Variants in NUP98 observed in about 807,000 individuals in gnomAD.
The protein encoded by NUP98 is nucleoporin 98 and 96 precursor, also known as nuclear pore complex protein Nup98-Nup96.
Under a neutral mutation model 191.9 loss-of-function variants are expected in NUP98, and 26 were observed. The ratio of observed to expected loss-of-function variants is 0.14; its 90% CI spans 0.10 to 0.19. The LOEUF (loss-of-function observed/expected upper bound fraction) is 0.19, where lower values mean the gene tolerates loss of function less well. NUP98 is among the 10% of genes least tolerant of loss of function. The pLI is 1.00. For synonymous variants in NUP98, 808 were observed against 778.4 expected, an observed-to-expected ratio of 1.04 and a Z score of -0.63; for missense variants, 1,941 against 2,178.8, an observed-to-expected ratio of 0.89 and a Z score of 2.17.
At chr11:3,751,447 G>T (rs1476709215) in intron 11 of NUP98, among the ~76,000 whole-genome samples, 1 of 152,142 alleles carries the variant, frequency 6.6e-6, no homozygotes, top group Non-Finnish European at 1.5e-5. Flanking sequence ...TCCGAAAAAT[G>T]CACAGAAACG....
intron 18 of NUP98, 44 bp from the exon 19 acceptor site, chr11:3,714,039 G>A (rs1363908377): frequency 1.5e-5 from 23 of 1,583,768 alleles, no homozygotes; most frequent in Non-Finnish European, 1.8e-5. Context: ...AAGTAAAAGC[G>A]CTTCATATAT....
intron 20 of NUP98, 127 bp from the exon 21 acceptor site, chr11:3,706,754 G>A (rs2078873615): frequency 1.1e-6 from 1 of 870,474 alleles, no homozygotes; most frequent in South Asian, 1.8e-5. Context: ...TCTATGGTGA[G>A]GTAAGGTAGC....
intron 20 of NUP98, among the ~76,000 whole-genome samples, chr11:3,707,194 C>G (rs1171757009): frequency 6.6e-6 from 1 of 152,128 alleles, no homozygotes; most frequent in African/African-American, 2.4e-5. Context: ...GCACTATCTA[C>G]TCTTCCAAAA....
chr11:3,676,787 T>TA (rs2077826723), intron 31 of NUP98, 167 bp from the exon 32 acceptor site: 2 of 747,910 alleles, frequency 2.7e-6, no homozygotes, highest in Admixed American at 3.6e-5. Context: ...GACAAGGCAC[T>TA]AATTATGCAG....
At chr11:3,741,940 CA>C (rs1171162717) in intron 12 of NUP98, among the ~76,000 whole-genome samples, 1 of 152,156 alleles carries the variant, frequency 6.6e-6, no homozygotes, top group Non-Finnish European at 1.5e-5. Context: ...TCTAAGTAGT[CA>C]AAGGTTAGCC....
chr11:3,785,516 T>A (rs1435016295), intron 1 of NUP98, among the ~76,000 whole-genome samples: 1 of 152,146 alleles, frequency 6.6e-6, no homozygotes. Context: ...CCCAGCACTT[T>A]GGGAGGCCAA....
At chr11:3,781,507 A>C (rs1354354822) in intron 2 of NUP98, 3 of 150,120 alleles carry the variant, frequency 2.0e-5, no homozygotes, top group African/African-American at 4.9e-5. Context: ...AAAAAAAAAA[A>C]AAAAAAAAAA....
chr11:3,741,182 A>G (rs1471246759), intron 12 of NUP98, among the ~76,000 whole-genome samples: 3 of 152,166 alleles, frequency 2.0e-5, no homozygotes, highest in Non-Finnish European at 1.5e-5. Flanking sequence ...TATCAAAACA[A>G]AAATCATCCT....
At chr11:3,705,651 A>G (rs111566629) in intron 21 of NUP98, among the ~76,000 whole-genome samples, 1 of 152,250 alleles carries the variant, frequency 6.6e-6, no homozygotes, top group Admixed American at 6.5e-5. Context: ...GGTTAAACAC[A>G]TAACACACCA....
intron 12 of NUP98, among the ~76,000 whole-genome samples, chr11:3,736,975 T>C (rs1465290417): frequency 6.6e-6 from 1 of 152,134 alleles, no homozygotes; most frequent in African/African-American, 2.4e-5. Context: ...TGTTATCAAT[T>C]GCAGAGAATT....
chr11:3,730,419 G>C (rs1414546704), intron 14 of NUP98, among the ~76,000 whole-genome samples: 2 of 151,612 alleles, frequency 1.3e-5, no homozygotes, highest in Non-Finnish European at 2.9e-5. Flanking sequence ...TACAGTGGTG[G>C]GATCCCAGCT....
chr11:3,781,541 A>G (rs1244897401), intron 2 of NUP98: 3 of 151,810 alleles, frequency 2.0e-5, no homozygotes, highest in East Asian at 3.9e-4. Context: ...ATTTTTAACA[A>G]AAAGTTTAAA....
intron 30 of NUP98, 109 bp downstream of exon 30, chr11:3,683,091 G>C (rs1166100438): frequency 8.8e-6 from 13 of 1,477,558 alleles, no homozygotes; most frequent in African/African-American, 4.2e-5. Flanking sequence ...TTTGATTCAA[G>C]ATGGCCATGT....
intron 13 of NUP98, 89 bp from the exon 14 acceptor site, chr11:3,731,667 C>T: frequency 2.3e-6 from 2 of 854,772 alleles, no homozygotes; most frequent in Non-Finnish European, 3.4e-6. Context: ...TTTCAATCCT[C>T]ATCTTTGTCA....
At chr11:3,763,378 G>A (rs966278753) in intron 8 of NUP98, among the ~76,000 whole-genome samples, 1 of 152,134 alleles carries the variant, frequency 6.6e-6, no homozygotes. Context: ...TGTGCTCTAA[G>A]AGATGTCAGG....
intron 24 of NUP98, 30 bp from the exon 25 acceptor site, chr11:3,699,378 G>A (rs763868094): frequency 6.2e-6 from 10 of 1,608,490 alleles, no homozygotes; most frequent in South Asian, 1.1e-5. Context: ...ACAATGTTAC[G>A]AGACAAAGTC....
chr11:3,770,215 G>A (rs1466879838), intron 7 of NUP98, among the ~76,000 whole-genome samples: 1 of 152,044 alleles, frequency 6.6e-6, no homozygotes, highest in Non-Finnish European at 1.5e-5. Flanking sequence ...GCATGGTGGC[G>A]GGTGCCTGTA....
chr11:3,773,804 A>C, intron 5 of NUP98, 65 bp from the exon 6 acceptor site: 1 of 940,200 alleles, frequency 1.1e-6, no homozygotes, highest in Middle Eastern at 2.1e-4. Flanking sequence ...CTCAGATACA[A>C]TTTCTCAACC....
At chr11:3,752,441 TG>T (rs2080797551) in intron 11 of NUP98, among the ~76,000 whole-genome samples, 1 of 150,584 alleles carries the variant, frequency 6.6e-6, no homozygotes, top group South Asian at 2.1e-4. Context: ...TGCTTCAACC[TG>T]GGAGGCAGAG....
Sources: gnomAD v4.1 joint callset for allele counts (sites outside exome capture counted in the v4.1 genomes callset) on GRCh38, gnomAD v4.1.1 for gene constraint, MANE v1.5 for transcripts, NCBI Gene and HGNC (gene_info 2026-07-23, HGNC 2026-07-21) for gene names.